CALCR: variants seen among roughly 807,000 people sequenced by gnomAD.
The protein encoded by CALCR is calcitonin receptor.
Under a neutral mutation model 59.5 loss-of-function variants are expected in CALCR, and 47 were observed. The ratio of observed to expected loss-of-function variants is 0.79; its 90% confidence interval spans 0.63 to 1.01. The LOEUF (loss-of-function observed/expected upper bound fraction) is 1.01, where lower values mean the gene tolerates loss of function less well. CALCR is among the 50% of genes least tolerant of loss of function. The pLI is 0.00. For missense variants in CALCR, 566 were observed against 597.1 expected (o/e 0.95, Z 0.54); for synonymous variants, 213 against 211.3 (o/e 1.01, Z -0.07).
At chr7:93,434,975 T>C (rs1361067420) in intron 12 of CALCR, among the ~76,000 whole-genome samples, 1 of 152,242 alleles carries the variant, frequency 6.6e-6, no homozygotes, top group African/African-American at 2.4e-5. Context: ...AGCAAAACTC[T>C]GGCCTAAGAG....
At chr7:93,492,641 T>C (rs551082021) in intron 2 of CALCR, among the ~76,000 whole-genome samples, 1 of 151,558 alleles carries the variant, frequency 6.6e-6, no homozygotes, top group Admixed American at 6.6e-5. Context: ...CTGGATGAGA[T>C]ATGATTCCAG....
rs560681202 is a variant in CALCR, at chr7:93,442,858, T to C, written c.802+746A>G. Among the ~76,000 whole-genome samples, 3 of 152,272 alleles carry C rather than the reference T, an allele frequency of 2.0e-5. No individual in the cohort carries two copies. The South Asian group carries it at 6.2e-4, about 32-fold the overall frequency. On this transcript the variant is annotated intron_variant, in intron 9 of 13. Transcript: ENST00000426151. The stretch of plus-strand genomic sequence containing the variant: ...AAACTTTTTTTTTGATAAGGCAGCA[T>C]GTGTTTTTATCGCAGCATTTATTTT...
In CALCR at chr7:93,510,951, C is replaced by A. The variant is rs114312535; in HGVS notation, c.-26-23944G>T. 4.4e-3 allele frequency among the ~76,000 whole-genome samples: 661 copies of A among 151,920 alleles called. 9 individuals carry two copies. The highest frequency in any genetic ancestry group is 0.015 in the African/African-American group (633 of 41,442). On this transcript the variant is annotated intron_variant, in intron 2 of 13. Coordinates refer to ENST00000426151, the MANE Select transcript of CALCR (RefSeq NM_001742.4). ...GAAGAATGGGTTGGGGAAGAGCAAG[C>A]CCGGAAGCAAAGCTAGTTAGGGAAT...
chr7:93,521,481 CA>C (rs1180444017), intron 2 of CALCR, among the ~76,000 whole-genome samples: 4 of 151,402 alleles, frequency 2.6e-5, no homozygotes, highest in East Asian at 3.9e-4. Flanking sequence ...TCCCTAAGCA[CA>C]AAAAACAAAG....
In CALCR at chr7:93,477,564, G is replaced by A. The variant is rs1800692233; in HGVS notation, c.310C>T (p.Pro104Ser). ...FCPDYFPDFDPSEKVTKYCDE... is the reference protein window; with the variant it reads ...FCPDYFPDFDSSEKVTKYCDE... ...ATGAAAATAAACACTCTACCTGATG[G>A]ATCAAAATCCGGAAAATAATCTGGG... Residue 104 changes from proline (P) to serine (S), a missense_variant, in exon 5 of 14, where the codon CCA becomes TCA. Transcript: ENST00000426151. 1 of 1,601,020 alleles carries A rather than the reference G, an allele frequency of 6.2e-7. No individual in the cohort carries two copies. The highest frequency in any genetic ancestry group is 1.7e-5 in the Admixed American group (1 of 59,726).
intron 8 of CALCR, among the ~76,000 whole-genome samples, chr7:93,454,615 C>CA (rs36063536): frequency 0.4 from 57,942 of 144,050 alleles, 11,755 homozygotes; most frequent in Non-Finnish European, 0.49. Flanking sequence ...GCAGATAGAA[C>CA]AAAAAAAAAA....
At chr7:93,538,227 G>A (rs912633916) in intron 2 of CALCR, among the ~76,000 whole-genome samples, 1 of 151,988 alleles carries the variant, frequency 6.6e-6, no homozygotes, top group African/African-American at 2.4e-5. Flanking sequence ...TGCATAGTAT[G>A]TGTTCTGCTG....
Position 93,443,626 on chromosome 7 carries a change from C to T in CALCR, c.780G>A (p.Arg260=), listed in dbSNP as rs149950588. 20 of 1,613,236 alleles carry T rather than the reference C, an allele frequency of 1.2e-5. No homozygotes were observed. In the African/African-American group the frequency reaches 2.5e-4, roughly 20 times the overall value. Residue 260 remains arginine (R), a synonymous_variant, in exon 9 of 14, where the codon CGG becomes CGA. Transcript: ENST00000426151. ...VAVFTEKQRL[R]WYYLLGWGFP... is the part of the protein sequence containing the mutation. ...TACCCCAGCCCAAGAGATAATACCA[C>T]CGCAAGCGTTGCTTCTCAGTAAACA...
At chr7:93,491,658 C>A (rs1478932924) in intron 2 of CALCR, among the ~76,000 whole-genome samples, 3 of 151,990 alleles carry the variant, frequency 2.0e-5, no homozygotes, top group African/African-American at 7.2e-5. Flanking sequence ...TAAAGCTCAA[C>A]ATCACTGATC....
intron 11 of CALCR, among the ~76,000 whole-genome samples, chr7:93,437,024 A>T (rs1362364572): frequency 9.6e-6 from 1 of 104,564 alleles, no homozygotes; most frequent in Non-Finnish European, 2.0e-5. Context: ...TAATTGTTGA[A>T]TCTTTTTTTT....
rs924322629 is a variant in CALCR at position 93,438,901 on chromosome 7, TA to T, written c.803-632del. Among the ~76,000 whole-genome samples the T allele has an allele frequency of 5.3e-3, 741 of 140,072 alleles. 6 individuals are homozygous for T. The highest frequency in any genetic ancestry group is 0.015 in the African/African-American group (567 of 38,346). The allele number at this position is 140,072 out of a possible 152,430, so 91.9% of individuals were successfully genotyped here. A position where few individuals can be genotyped will look rare whatever the true frequency, so the allele number is the denominator to read the frequency against. On this transcript the variant is annotated intron_variant, in intron 9 of 13. Transcript: ENST00000426151. The stretch of plus-strand genomic sequence containing the variant: ...TCCTTGACTAAACTCAAAGTGCTAG[TA>T]AAAAAAAAAAAACTTTTTAATTTAT...
intron 4 of CALCR, among the ~76,000 whole-genome samples, chr7:93,478,755 C>G (rs1800726705): frequency 6.6e-6 from 1 of 151,640 alleles, no homozygotes; most frequent in African/African-American, 2.4e-5. Context: ...CACATCTCCC[C>G]TTTTGTTTTT....
intron 2 of CALCR, among the ~76,000 whole-genome samples, chr7:93,507,878 G>T (rs1351801297): frequency 1.3e-5 from 2 of 151,040 alleles, no homozygotes; most frequent in Non-Finnish European, 2.9e-5. Context: ...AGCCGAGATG[G>T]CACCACTACA....
intron 2 of CALCR, among the ~76,000 whole-genome samples, chr7:93,495,563 C>G (rs1186566270): frequency 6.6e-6 from 1 of 151,314 alleles, no homozygotes; most frequent in Non-Finnish European, 1.5e-5. Context: ...TATTTTTGAA[C>G]AAAGAGTTTC....
chr7:93,493,585 C>T (rs1292778420), intron 2 of CALCR, among the ~76,000 whole-genome samples: 2 of 151,352 alleles, frequency 1.3e-5, no homozygotes, highest in Non-Finnish European at 3.0e-5. Context: ...CCCTCCAACT[C>T]GTGTTCTATA....
intron 13 of CALCR, among the ~76,000 whole-genome samples, chr7:93,431,084 C>A (rs972097231): frequency 3.3e-5 from 5 of 152,060 alleles, no homozygotes; most frequent in Non-Finnish European, 2.9e-5. Flanking sequence ...TAGGTAGAGA[C>A]CCTCACAGAC....
At chr7:93,491,562 AG>A (rs1801077771) in intron 2 of CALCR, among the ~76,000 whole-genome samples, 1 of 152,120 alleles carries the variant, frequency 6.6e-6, no homozygotes, top group Admixed American at 6.6e-5. Context: ...ATTTACAAGA[AG>A]AAAGCAAACA....
At chr7:93,469,505 G>A (rs770779533) in intron 6 of CALCR, among the ~76,000 whole-genome samples, 1 of 151,364 alleles carries the variant, frequency 6.6e-6, no homozygotes, top group Non-Finnish European at 1.5e-5. Flanking sequence ...GATTGATCCA[G>A]TCACCCATCC....
intron 12 of CALCR, among the ~76,000 whole-genome samples, chr7:93,434,865 C>T (rs1015635403): frequency 4.6e-5 from 7 of 152,166 alleles, no homozygotes; most frequent in South Asian, 2.1e-4. Flanking sequence ...ACTATTCAAA[C>T]GATCCCTAAA....
Sources: allele counts gnomAD v4.1 joint callset (sites outside exome capture counted in the v4.1 genomes callset), GRCh38; gene constraint gnomAD v4.1.1; transcripts MANE v1.5; gene names NCBI Gene and HGNC (gene_info 2026-07-23, HGNC 2026-07-21).